KDM5C: variants seen among roughly 807,000 people sequenced by gnomAD.
KDM5C encodes lysine-specific demethylase 5C.
KDM5C carries 16 observed loss-of-function variants against 110.6 expected under a neutral mutation model. The ratio of observed to expected loss-of-function variants is 0.14; its 90% confidence interval spans 0.10 to 0.22. KDM5C has a LOEUF of 0.22. KDM5C is among the 10% of genes least tolerant of loss of function. The pLI is 1.00. For synonymous variants in KDM5C, 511 were observed against 520.4 expected, an observed-to-expected ratio of 0.98 and a Z score of 0.24; for missense variants, 681 against 1,300.9, an observed-to-expected ratio of 0.52 and a Z score of 7.33.
intron 12 of KDM5C, among the ~76,000 whole-genome samples, chrX:53,203,453 A>T (rs1177809699): frequency 9.0e-6 from 1 of 111,281 alleles, no homozygotes; most frequent in African/African-American, 3.3e-5. Flanking sequence ...TTTTCTTTTC[A>T]TAACTCCTAT....
At position 53,192,429 on chromosome X, in the gene KDM5C, C is replaced by A. The variant is rs957953142; in HGVS notation, c.*538G>T. 10 of 217,178 alleles carry A rather than the reference C, an allele frequency of 4.6e-5. No homozygotes were observed. Among genetic ancestry groups the A allele is most frequent in the Middle Eastern group, 1.3e-3 (1 of 776 alleles). The allele number at this position is 217,178 out of a possible 1,213,427, so 17.9% of individuals were successfully genotyped here. ...TCACAGGGAGCCCTGTTCAGCTCCC[C>A]AGCCAAATTCCTTTAAAATAAAAAA... On this transcript the variant is annotated 3_prime_UTR_variant, in exon 26 of 26. Transcript: ENST00000375401.
chrX:53,196,882 G>A lies in KDM5C; in HGVS notation c.2785C>T (p.Arg929Ter), dbSNP rs782405999. 8.3e-7 allele frequency: 1 copy of A among 1,201,782 alleles called. No individual in the cohort carries two copies. Among genetic ancestry groups the A allele is most frequent in the Non-Finnish European group, 1.1e-6 (1 of 890,298 alleles). The change falls in exon 19 of 26, where the codon CGA becomes TGA. Residue 929 changes from arginine to a stop codon, truncating the protein, a stop_gained. Coordinates refer to ENST00000375401, the MANE Select transcript of KDM5C (RefSeq NM_004187.5). LOFTEE classifies it high-confidence loss of function. ...QQLQRQVEQARWLDEVKRTLA... is the reference protein window; with the variant it reads ...QQLQRQVEQA The stretch of plus-strand genomic sequence containing the variant: ...GTGCGTTTCACCTCATCCAGCCATC[G>A]CGCCTGTTCCACCTGCCGCTGGAGC...
intron 12 of KDM5C, chrX:53,202,291 C>T: frequency 3.8e-6 from 1 of 261,147 alleles, no homozygotes; most frequent in Non-Finnish European, 7.0e-6. Context: ...TATTTACTTT[C>T]ATCAGTTATA....
chrX:53,192,868 T>TCCCCCCCCCCC lies in KDM5C; in HGVS notation c.*98_*99insGGGGGGGGGGG. The stretch of plus-strand genomic sequence containing the variant: ...CGGGTAGCAGGGATGGCCACCCCCC[T>TCCCCCCCCCCC]ACCCGCCCACCCCCCAAGAAGCAGG... On this transcript the variant is annotated 3_prime_UTR_variant, in exon 26 of 26. Coordinates refer to ENST00000375401, the MANE Select transcript of KDM5C (RefSeq NM_004187.5). The TCCCCCCCCCCC allele has an allele frequency of 3.1e-5, 5 of 163,417 alleles. No individual in the cohort carries two copies. The highest frequency in any genetic ancestry group is 1.5e-3 in the Middle Eastern group (1 of 665). The allele number at this position is 163,417 out of a possible 1,213,427, so 13.5% of individuals were successfully genotyped here.
chrX:53,207,599 G>C (rs1350391151), intron 12 of KDM5C, among the ~76,000 whole-genome samples: 1 of 112,022 alleles, frequency 8.9e-6, no homozygotes, highest in Non-Finnish European at 1.9e-5. Context: ...ACAGTGGAGA[G>C]AATAGGGGCG....
intron 25 of KDM5C, among the ~76,000 whole-genome samples, chrX:53,178,889 G>C (rs1318668751): frequency 1.8e-5 from 2 of 112,128 alleles, no homozygotes; most frequent in African/African-American, 3.2e-5. Context: ...GCTGAGGTCA[G>C]GAGTTTGAGA....
chrX:53,204,065 G>T (rs868933117), intron 12 of KDM5C, among the ~76,000 whole-genome samples: 13 of 110,829 alleles, frequency 1.2e-4, no homozygotes, highest in Admixed American at 3.8e-4. Flanking sequence ...GTTAATCTGT[G>T]GCTGCCTGCT....
At chrX:53,198,291 C>G (rs2073025876) in intron 17 of KDM5C, among the ~76,000 whole-genome samples, 199 bp downstream of exon 17, 1 of 111,995 alleles carries the variant, frequency 8.9e-6, no homozygotes, top group Non-Finnish European at 1.9e-5. Flanking sequence ...ATCACAGAGG[C>G]TCTCCTCTCC....
At position 53,216,095 on chromosome X, in the gene KDM5C, C is replaced by T. The variant is rs782719225; in HGVS notation, c.760G>A (p.Asp254Asn). The T allele has an allele frequency of 8.2e-7, 1 of 1,212,603 alleles. No homozygotes were observed. Among genetic ancestry groups the T allele is most frequent in the Non-Finnish European group, 1.1e-6 (1 of 895,698 alleles). ...TTACCTTTCTTCCGCAGAGTCTTGT[C>T]TTTGGCCATGAGGCCCAGGCCCATC... ...KMMGLGLMAK[D>N]KTLRKKDKEG... Residue 254 changes from aspartate (D) to asparagine (N), a missense_variant, in exon 6 of 26, where the codon GAC becomes AAC. Around this residue, in one of 14 missense-constraint regions of KDM5C, gnomAD observed 71 missense variants for 115.0 expected, o/e 0.62. Transcript: ENST00000375401.
At position 53,193,819 on chromosome X, in the gene KDM5C, C is replaced by T; in HGVS notation, c.4071G>A (p.Val1357=). The T allele has an allele frequency of 8.3e-7, 1 of 1,211,230 alleles. No homozygotes were observed. The highest frequency in any genetic ancestry group is 1.1e-6 in the Non-Finnish European group (1 of 894,948). ...CCGGGGCTACCTTCTCAGGACTGGT[C>T]ACACTGTCTCCATTCTCCAGTAAGC... ...VQGLLENGDS[V]TSPEKVAPEE... Residue 1357 remains valine (V), a synonymous_variant, in exon 24 of 26, where the codon GTG becomes GTA. Transcript: ENST00000375401.
intron 12 of KDM5C, among the ~76,000 whole-genome samples, chrX:53,205,039 G>A (rs368843891): frequency 1.8e-5 from 2 of 111,315 alleles, no homozygotes; most frequent in African/African-American, 3.3e-5. Context: ...TTTTTTTCAC[G>A]TTAAAAAATC....
At chrX:53,209,974 A>G (rs1276968039) in intron 12 of KDM5C, among the ~76,000 whole-genome samples, 1 of 112,279 alleles carries the variant, frequency 8.9e-6, no homozygotes, top group African/African-American at 3.2e-5. Context: ...TCATAACAAC[A>G]TGACCTCCAG....
rs377169267 is a variant in KDM5C, at chrX:53,194,375, G to A, written c.3802C>T (p.Leu1268=). 4 of 1,211,290 alleles carry A rather than the reference G, an allele frequency of 3.3e-6. No homozygotes were observed. Among genetic ancestry groups the A allele is most frequent in the Non-Finnish European group, 4.5e-6 (4 of 895,271 alleles). ...ILALLVALQR[L]PVRLPEGEAL... ...TCGCCCTCGGGCAGCCGCACAGGCA[G>A]TCTCTGCAGGGCTACCAGCAGTGCC... Residue 1268 remains leucine (L), a synonymous_variant, in exon 23 of 26, where the codon CTG becomes TTG. Coordinates refer to ENST00000375401, the MANE Select transcript of KDM5C (RefSeq NM_004187.5).
At chrX:53,183,564 CTTTT>C (rs374560612) in intron 25 of KDM5C, among the ~76,000 whole-genome samples, 3 of 102,449 alleles carry the variant, frequency 2.9e-5, no homozygotes, top group Non-Finnish European at 4.0e-5. Context: ...TTTTTCATTT[CTTTT>C]TTTTTTCTTT....
chrX:53,199,156 A>G lies in KDM5C; in HGVS notation c.2064T>C (p.Gly688=). 1 of 1,211,047 alleles carries G rather than the reference A, an allele frequency of 8.3e-7. No homozygotes were observed. The highest frequency in any genetic ancestry group is 1.1e-6 in the Non-Finnish European group (1 of 894,956). ...RRLRKALLEK[G]ITEAEREAFE... is the part of the protein sequence containing the mutation. Reference sequence around the variant, plus strand: ...AAGCCTCTCGCTCAGCCTCTGTGATACCCTAAGGGCATTTAACCTATGCGT... The same window carrying G: ...AAGCCTCTCGCTCAGCCTCTGTGATGCCCTAAGGGCATTTAACCTATGCGT... The change falls in exon 15 of 26, where the codon GGT becomes GGC. Residue 688 remains glycine (G), a splice_region_variant and synonymous_variant. Coordinates refer to ENST00000375401, the MANE Select transcript of KDM5C (RefSeq NM_004187.5).
At chrX:53,198,141 A>G (rs1259580372) in intron 17 of KDM5C, among the ~76,000 whole-genome samples, 1 of 112,113 alleles carries the variant, frequency 8.9e-6, no homozygotes, top group Non-Finnish European at 1.9e-5. Flanking sequence ...AAGCTGTGTT[A>G]GCAGGGATCA....
Position 53,192,861 on chromosome X carries a change from A to AGCCCCCCCCCCCCC in KDM5C, c.*105_*106insGGGGGGGGGGGGGC. 1 of 502,015 alleles carries AGCCCCCCCCCCCCC rather than the reference A, an allele frequency of 2.0e-6. No homozygotes were observed. The highest frequency in any genetic ancestry group is 2.9e-6 in the Non-Finnish European group (1 of 347,657). 41.4% of individuals were successfully genotyped at this position (502,015 alleles called of 1,213,427 possible). A position where few individuals can be genotyped will look rare whatever the true frequency, so the allele number is the denominator to read the frequency against. ...GGGTGGGCGGGTAGCAGGGATGGCC[A>AGCCCCCCCCCCCCC]CCCCCCTACCCGCCCACCCCCCAAG... is the stretch of plus-strand genomic sequence containing the variant. On this transcript the variant is annotated 3_prime_UTR_variant, in exon 26 of 26. Coordinates refer to ENST00000375401, the MANE Select transcript of KDM5C (RefSeq NM_004187.5).
chrX:53,183,262 C>CAAAAAAAAA (rs3045214), intron 25 of KDM5C, among the ~76,000 whole-genome samples: 1 of 43,556 alleles, frequency 2.3e-5, no homozygotes, highest in African/African-American at 9.3e-5. Flanking sequence ...CCTGTCTCTA[C>CAAAAAAAAA]AAAAAAAAAA....
intron 1 of KDM5C, among the ~76,000 whole-genome samples, chrX:53,223,610 G>T (rs2073952750): frequency 8.9e-6 from 1 of 111,947 alleles, no homozygotes. Context: ...ACTGATCACT[G>T]AACATTATCA....
Sources: allele counts gnomAD v4.1 joint callset (sites outside exome capture counted in the v4.1 genomes callset), GRCh38; gene constraint gnomAD v4.1.1; regional missense constraint gnomAD v4.1.1; transcripts MANE v1.5; gene names NCBI Gene and HGNC (gene_info 2026-07-23, HGNC 2026-07-21).